PERP: variants seen among roughly 807,000 people sequenced by gnomAD.
The protein encoded by PERP is p53 apoptosis effector related to PMP22.
PERP carries 11 observed loss-of-function variants against 20.3 expected under a neutral mutation model. The ratio of observed to expected loss-of-function variants is 0.54; its 90% confidence interval spans 0.34 to 0.90. PERP has a LOEUF of 0.90. Among genes scored for constraint, PERP ranks in the 40% least tolerant of loss-of-function variants. The pLI, the probability that PERP is intolerant of heterozygous loss-of-function variation, is 0.02. For synonymous variants in PERP, 101 were observed against 102.0 expected, an observed-to-expected ratio of 0.99 and a Z score of 0.06; for missense variants, 224 against 249.4, an observed-to-expected ratio of 0.90 and a Z score of 0.69.
rs778668140 is a variant in PERP, at chr6:138,107,314, C to T, written c.27G>A (p.Glu9=). The part of the protein sequence containing the change: MIRCGLAC[E]RCRWILPLLL... ...GCAGGGGCAGGATCCAGCGGCAGCG[C>T]TCGCAGGCCAGGCCGCAGCGGATCA... Residue 9 remains glutamate, a synonymous_variant, in exon 1 of 3, where the codon GAG becomes GAA. Coordinates refer to ENST00000421351, the MANE Select transcript of PERP (RefSeq NM_022121.5). The surrounding 1 kb of genome is among the most constrained non-coding windows in gnomAD (Gnocchi z 4.8). 5 of 1,603,778 alleles carry T rather than the reference C, an allele frequency of 3.1e-6. No homozygotes were observed. The highest frequency in any genetic ancestry group is 2.2e-5 in the East Asian group (1 of 44,710).
In PERP at chr6:138,092,017, A is replaced by C; in HGVS notation, c.*25T>G. The C allele has an allele frequency of 1.2e-6, 2 of 1,601,410 alleles. No homozygotes were observed. The highest frequency in any genetic ancestry group is 1.7e-6 in the Non-Finnish European group (2 of 1,170,120). On this transcript the variant is annotated 3_prime_UTR_variant, in exon 3 of 3. Coordinates refer to ENST00000421351, the MANE Select transcript of PERP (RefSeq NM_022121.5). ...TCTGGAGTCCATCTCAGCAGCAGCG[A>C]TTTTCTCCCACATTCATTCCCAAGT... is the stretch of plus-strand genomic sequence containing the variant.
intron 1 of PERP, among the ~76,000 whole-genome samples, chr6:138,103,232 C>T (rs1472430584): frequency 6.6e-6 from 1 of 151,914 alleles, no homozygotes; most frequent in East Asian, 1.9e-4. Flanking sequence ...TCACTGCAAC[C>T]TCCGCCTCCC....
In PERP at chr6:138,091,346, C is replaced by G. The variant is rs1775578346; in HGVS notation, c.*696G>C. ...TCCCACACCCTAACCCTATAAAGAA[C>G]TTTAAAAGAGAAAATTTCATCTAAA... On this transcript the variant is annotated 3_prime_UTR_variant, in exon 3 of 3. Transcript: ENST00000421351. 6.6e-6 allele frequency: 1 copy of G among 152,120 alleles called. No individual in the cohort carries two copies. Among genetic ancestry groups the G allele is most frequent in the Non-Finnish European group, 1.5e-5 (1 of 68,020 alleles). 9.4% of individuals were successfully genotyped at this position (152,120 alleles called of 1,614,324 possible). A position where few individuals can be genotyped will look rare whatever the true frequency, so the allele number is the denominator to read the frequency against.
At chr6:138,102,796 G>A (rs1187975328) in intron 1 of PERP, among the ~76,000 whole-genome samples, 1 of 152,034 alleles carries the variant, frequency 6.6e-6, no homozygotes, top group Non-Finnish European at 1.5e-5. Context: ...ATACATGCTC[G>A]TGCAAAGAGT....
At chr6:138,106,287 C>T (rs2152012) in intron 1 of PERP, among the ~76,000 whole-genome samples, 67,318 of 151,522 alleles carry the variant, frequency 0.44, 15,218 homozygotes, top group East Asian at 0.71. Context: ...CATCCACCCC[C>T]AGGAAAGGAG....
At chr6:138,106,598 T>C (rs1775844941) in intron 1 of PERP, among the ~76,000 whole-genome samples, 1 of 152,182 alleles carries the variant, frequency 6.6e-6, no homozygotes, top group East Asian at 1.9e-4. Context: ...ACCGGTAAAG[T>C]AGACTGAAAT....
At chr6:138,099,788 G>A (rs1268880771) in intron 1 of PERP, among the ~76,000 whole-genome samples, 1 of 152,090 alleles carries the variant, frequency 6.6e-6, no homozygotes, top group African/African-American at 2.4e-5. Flanking sequence ...CCAAAGAAAT[G>A]GTAAGCCAAT....
chr6:138,097,963 G>A (rs6915596), intron 1 of PERP, among the ~76,000 whole-genome samples: 2,709 of 152,162 alleles, frequency 0.018, 83 homozygotes, highest in African/African-American at 0.062. Flanking sequence ...TACCTTTGCC[G>A]ATTTTGGACT....
At position 138,090,908 on chromosome 6, in the gene PERP, G is replaced by C. The variant is rs1378371250; in HGVS notation, c.*1134C>G. ...TGGTTTTCATTATGTAAGTCGAAATGGTAAAAAATCATAATGACCTATCCG... is the reference window on the plus strand; with the variant it reads ...TGGTTTTCATTATGTAAGTCGAAATCGTAAAAAATCATAATGACCTATCCG... On this transcript the variant is annotated 3_prime_UTR_variant, in exon 3 of 3. Coordinates refer to ENST00000421351, the MANE Select transcript of PERP (RefSeq NM_022121.5). The C allele has an allele frequency of 6.6e-6, 1 of 152,418 alleles. No individual in the cohort carries two copies. The highest frequency in any genetic ancestry group is 2.4e-5 in the African/African-American group (1 of 41,380). 9.4% of individuals were successfully genotyped at this position (152,418 alleles called of 1,614,324 possible). A position where few individuals can be genotyped will look rare whatever the true frequency, so the allele number is the denominator to read the frequency against.
rs557137173 is a variant in PERP at position 138,102,926 on chromosome 6, C to T, written c.214+4201G>A. Among the ~76,000 whole-genome samples, 18 of 151,726 alleles carry T rather than the reference C, an allele frequency of 1.2e-4. No individual in the cohort carries two copies. In the South Asian group the frequency reaches 2.5e-3, roughly 21 times the overall value. The stretch of plus-strand genomic sequence containing the variant: ...CATCCTGGTTAACATGGTGAAACCC[C>T]GTCTCTACTAAAAATACAAAAAATT... On this transcript the variant is annotated intron_variant, in intron 1 of 2. Transcript: ENST00000421351.
chr6:138,099,979 G>A (rs572003581), intron 1 of PERP, among the ~76,000 whole-genome samples: 10 of 152,284 alleles, frequency 6.6e-5, no homozygotes, highest in Admixed American at 1.3e-4. Context: ...GAAATAGAAC[G>A]TGTAAAACCT....
At chr6:138,106,211 C>T (rs1775838515) in intron 1 of PERP, among the ~76,000 whole-genome samples, 1 of 152,158 alleles carries the variant, frequency 6.6e-6, no homozygotes, top group South Asian at 2.1e-4. Context: ...TTTTATTAGG[C>T]TCTCACAGAC....
intron 2 of PERP, among the ~76,000 whole-genome samples, chr6:138,095,309 C>T (rs1775663161): frequency 6.6e-6 from 1 of 152,120 alleles, no homozygotes; most frequent in Non-Finnish European, 1.5e-5. Context: ...GTGAAGAAGG[C>T]CAGGACTGTG....
intron 1 of PERP, among the ~76,000 whole-genome samples, chr6:138,099,217 A>G (rs1425149872): frequency 6.6e-6 from 1 of 152,236 alleles, no homozygotes. Flanking sequence ...TGTTTCTTAT[A>G]TCCATAAAGT....
At position 138,091,806 on chromosome 6, in the gene PERP, T is replaced by C. The variant is rs2114326928; in HGVS notation, c.*236A>G. ...TGTTATGGATAGATATAAGGAAATA[T>C]TGGCATAGTATAGGTAATTAGTGAA... On this transcript the variant is annotated 3_prime_UTR_variant, in exon 3 of 3. Transcript: ENST00000421351. 2 of 424,830 alleles carry C rather than the reference T, an allele frequency of 4.7e-6. No homozygotes were observed. The allele number at this position is 424,830 out of a possible 1,614,324, so 26.3% of individuals were successfully genotyped here.
At position 138,107,230 on chromosome 6, in the gene PERP, C is replaced by T; in HGVS notation, c.111G>A (p.Gln37=). Residue 37 remains glutamine (Q), a synonymous_variant, in exon 1 of 3, where the codon CAG becomes CAA. Transcript: ENST00000421351. This position sits in a 1 kb window ranked among gnomAD's most constrained non-coding sequence, Gnocchi z 4.8. ...IIALAGRGWL[Q]SSDHGQTSSL... is the part of the protein sequence containing the mutation. ...AGGACGTCTGGCCGTGGTCGCTAGA[C>T]TGCAACCAGCCGCGGCCGGCCAGCG... 1 of 1,612,408 alleles carries T rather than the reference C, an allele frequency of 6.2e-7. No individual in the cohort carries two copies. The highest frequency in any genetic ancestry group is 8.5e-7 in the Non-Finnish European group (1 of 1,179,704).
In PERP at chr6:138,091,956, A is replaced by C. The variant is rs763856859; in HGVS notation, c.*86T>G. ...TTAATAATATGAACACTGCCAAAAA[A>C]TGGGTTCAAAGTCGCCTGGAGAAAC... On this transcript the variant is annotated 3_prime_UTR_variant, in exon 3 of 3. Coordinates refer to ENST00000421351, the MANE Select transcript of PERP (RefSeq NM_022121.5). 1.6e-6 allele frequency: 2 copies of C among 1,256,100 alleles called. No homozygotes were observed. The highest frequency in any genetic ancestry group is 2.5e-5 in the Admixed American group (1 of 40,032). The allele number at this position is 1,256,100 out of a possible 1,614,324, so 77.8% of individuals were successfully genotyped here.
rs1363375496 is a variant in PERP, at chr6:138,089,351, G to A, written c.*2691C>T. The A allele has an allele frequency of 6.6e-6, 1 of 152,118 alleles. No individual in the cohort carries two copies. The highest frequency in any genetic ancestry group is 1.5e-5 in the Non-Finnish European group (1 of 68,022). 9.4% of individuals were successfully genotyped at this position (152,118 alleles called of 1,614,324 possible). On this transcript the variant is annotated 3_prime_UTR_variant, in exon 3 of 3. Transcript: ENST00000421351. ...TCATTTCCTTAAAAAAGGAAAGGCT[G>A]TTGAACTTGTGAGTTCTGCAGTCTA...
At chr6:138,100,716 T>C (rs1016153273) in intron 1 of PERP, among the ~76,000 whole-genome samples, 1 of 152,212 alleles carries the variant, frequency 6.6e-6, no homozygotes, top group Non-Finnish European at 1.5e-5. Context: ...TTTTATTTTC[T>C]TAAGGGAAGA....
Sources: allele counts gnomAD v4.1 joint callset (sites outside exome capture counted in the v4.1 genomes callset), GRCh38; gene constraint gnomAD v4.1.1; non-coding constraint Gnocchi (gnomAD v3.1); transcripts MANE v1.5; gene names NCBI Gene and HGNC (gene_info 2026-07-23, HGNC 2026-07-21).